Variants in PCDHA1 observed in about 807,000 individuals in gnomAD.
PCDHA1 encodes protocadherin alpha-1.
PCDHA1 carries 42 observed loss-of-function variants against 61.3 expected under a neutral mutation model. The observed-to-expected ratio is 0.69, with a 90% CI of 0.54 to 0.89. PCDHA1 has a LOEUF of 0.89. Ranked by LOEUF, PCDHA1 falls within the 40% of genes least tolerant of loss-of-function variation. The pLI is 0.00. For missense variants in PCDHA1, 1,256 were observed against 1,235.3 expected, an observed-to-expected ratio of 1.02 and a Z score of -0.25; for synonymous variants, 610 against 553.8, an observed-to-expected ratio of 1.10 and a Z score of -1.43.
intron 1 of PCDHA1, among the ~76,000 whole-genome samples, chr5:140,953,275 C>G (rs1290645865): frequency 6.6e-6 from 1 of 152,074 alleles, no homozygotes; most frequent in African/African-American, 2.4e-5. Context: ...AGCCTTTGCT[C>G]TTTATATGTG....
At position 140,850,251 on chromosome 5, in the gene PCDHA1, G is replaced by T. The variant is rs1562466738; in HGVS notation, c.2394+61567G>T. 1.1e-5 allele frequency: 18 copies of T among 1,594,126 alleles called. 3 individuals are homozygous for T. The highest frequency in any genetic ancestry group is 1.4e-5 in the Non-Finnish European group (16 of 1,167,218). On this transcript the variant is annotated intron_variant, in intron 1 of 3. Coordinates refer to ENST00000504120, the MANE Select transcript of PCDHA1 (RefSeq NM_018900.4). ...GAGCGAGATGGTGCTGCGGTCGGTG[G>T]GCGCCGGCGTAGTGGTGGGGAAGGT...
Position 140,788,194 on chromosome 5 carries a change from G to A in PCDHA1, c.1904G>A (p.Arg635His), listed in dbSNP as rs1206688440. ...GLYTGEISTTRVLDEADLSRY... is the reference protein window; with the variant it reads ...GLYTGEISTTHVLDEADLSRY... ...TACACGGGCGAGATCAGCACGACTC[G>A]TGTCCTGGACGAGGCTGACTTGTCG... The change falls in exon 1 of 4, where the codon CGT (arginine) becomes CAT (histidine). Residue 635 changes from arginine (R) to histidine (H), a missense_variant. Transcript: ENST00000504120. 2.5e-6 allele frequency: 4 copies of A among 1,614,086 alleles called. No individual in the cohort carries two copies. Among genetic ancestry groups the A allele is most frequent in the African/African-American group, 1.3e-5 (1 of 75,074 alleles).
At chr5:140,994,562 G>A (rs1554254244) in intron 3 of PCDHA1, among the ~76,000 whole-genome samples, 2 of 152,094 alleles carry the variant, frequency 1.3e-5, no homozygotes, top group Non-Finnish European at 2.9e-5. Context: ...AAAATTAGCC[G>A]GGTGTGGTGG....
At chr5:140,841,636 C>T (rs2150319848) in intron 1 of PCDHA1, 1 of 1,614,130 alleles carries the variant, frequency 6.2e-7, no homozygotes. Flanking sequence ...GCAGCATCCA[C>T]CTGGAGGTGA....
chr5:140,869,934 A>ATTTTTTTTC, intron 1 of PCDHA1: 1 of 1,612,052 alleles, frequency 6.2e-7, no homozygotes, highest in African/African-American at 1.3e-5. Context: ...ATGGAGAGGT[A>ATTTTTTTTC]ACATACTCCT....
chr5:140,968,652 A>G, intron 1 of PCDHA1: 1 of 1,614,118 alleles, frequency 6.2e-7, no homozygotes, highest in Non-Finnish European at 8.5e-7. Context: ...CAGACTTCTG[A>G]CCTGGACCTC....
chr5:140,960,143 T>C (rs1250145398), intron 1 of PCDHA1, among the ~76,000 whole-genome samples: 1 of 152,208 alleles, frequency 6.6e-6, no homozygotes, highest in Non-Finnish European at 1.5e-5. Context: ...TAGATATTAA[T>C]AGCTTGAGAC....
chr5:140,927,409 A>G lies in PCDHA1; in HGVS notation c.2395-51540A>G. The G allele has an allele frequency of 4.3e-6, 7 of 1,614,120 alleles. No individual in the cohort carries two copies. Among genetic ancestry groups the G allele is most frequent in the Non-Finnish European group, 5.9e-6 (7 of 1,179,964 alleles). On this transcript the variant is annotated intron_variant, in intron 1 of 3. Coordinates refer to ENST00000504120, the MANE Select transcript of PCDHA1 (RefSeq NM_018900.4). ...CCCCAGTCAGCACTTTCGCCTGGAC[A>G]TGGGATCGCGGGTTGACGGCAGCGA...
intron 1 of PCDHA1, chr5:140,849,391 G>A: frequency 1.3e-6 from 2 of 1,539,768 alleles, no homozygotes; most frequent in South Asian, 1.1e-5. Flanking sequence ...GACCCCTTAA[G>A]TGGGGCAATC....
In PCDHA1 at chr5:140,830,164, G is replaced by T. The variant is rs2150182305; in HGVS notation, c.2394+41480G>T. The T allele has an allele frequency of 2.7e-5, 44 of 1,613,426 alleles. 1 individual carries two copies. In the South Asian group the frequency reaches 4.6e-4, roughly 17 times the overall value. On this transcript the variant is annotated intron_variant, in intron 1 of 3. Coordinates refer to ENST00000504120, the MANE Select transcript of PCDHA1 (RefSeq NM_018900.4). ...CGGTGGGCGCCGCGGGCCCAGAGGC[G>T]GCGCTGGTGGATGTCAACGTGTACC...
intron 1 of PCDHA1, among the ~76,000 whole-genome samples, chr5:140,937,959 T>C (rs1344033743): frequency 5.3e-5 from 8 of 152,142 alleles, no homozygotes; most frequent in African/African-American, 1.9e-4. Context: ...TTGTTGAAAG[T>C]ATATAGAAAT....
intron 1 of PCDHA1, chr5:140,857,309 G>A: frequency 6.3e-7 from 1 of 1,598,786 alleles, no homozygotes; most frequent in East Asian, 2.2e-5. Flanking sequence ...GTCGGCCTAT[G>A]AGCTGGTGGT....
intron 3 of PCDHA1, among the ~76,000 whole-genome samples, chr5:140,993,826 C>T (rs1401311421): frequency 1.3e-5 from 2 of 152,134 alleles, no homozygotes; most frequent in African/African-American, 4.8e-5. Context: ...ATAGGCTATA[C>T]CATATAGCCT....
At chr5:140,807,396 G>C in intron 1 of PCDHA1, 1 of 1,442,524 alleles carries the variant, frequency 6.9e-7, no homozygotes, top group Non-Finnish European at 9.5e-7. Flanking sequence ...GCGTCCAAGG[G>C]CCGCGGAGGC....
chr5:140,879,908 T>G (rs1468115653), intron 1 of PCDHA1, among the ~76,000 whole-genome samples: 2 of 152,218 alleles, frequency 1.3e-5, no homozygotes, highest in Non-Finnish European at 2.9e-5. Context: ...TCTCTCTATG[T>G]GTTGGTTTTA....
chr5:140,819,116 C>T (rs1487263902), intron 1 of PCDHA1, among the ~76,000 whole-genome samples: 5 of 152,140 alleles, frequency 3.3e-5, no homozygotes, highest in African/African-American at 1.2e-4. Context: ...GGTATCCTTT[C>T]TTACTATCCT....
intron 1 of PCDHA1, chr5:140,849,501 C>T (rs251354): frequency 6.4e-7 from 1 of 1,571,602 alleles, no homozygotes; most frequent in African/African-American, 1.4e-5. Flanking sequence ...TCATTGTACA[C>T]TTCTTGTGGA....
chr5:140,909,516 C>G (rs1213307040), intron 1 of PCDHA1, among the ~76,000 whole-genome samples: 1 of 152,152 alleles, frequency 6.6e-6, no homozygotes, highest in Non-Finnish European at 1.5e-5. Context: ...GAATCACAAC[C>G]CCTGCACATT....
intron 1 of PCDHA1, chr5:140,828,066 T>A (rs1334678252): frequency 6.4e-7 from 1 of 1,559,958 alleles, no homozygotes. Context: ...GATCTTCTAA[T>A]GGAAATAAAA....
Sources: allele counts gnomAD v4.1 joint callset (sites outside exome capture counted in the v4.1 genomes callset), GRCh38; gene constraint gnomAD v4.1.1; transcripts MANE v1.5; gene names NCBI Gene and HGNC (gene_info 2026-07-23, HGNC 2026-07-21).